KHDRBS2: variants seen among roughly 807,000 people sequenced by gnomAD.
The protein encoded by KHDRBS2 is KH RNA binding domain containing, signal transduction associated 2.
KHDRBS2 carries 26 observed loss-of-function variants against 44.3 expected under a neutral mutation model. That is an observed-to-expected ratio of 0.59 (90% CI 0.43 to 0.81). KHDRBS2 has a LOEUF of 0.81. KHDRBS2 is among the 40% of genes least tolerant of loss of function. The probability of loss-of-function intolerance (pLI) is 0.00; values close to 1 mark genes in which losing one functional copy is unlikely to be tolerated. For missense variants in KHDRBS2, 476 were observed against 433.1 expected, an observed-to-expected ratio of 1.10 and a Z score of -0.88; for synonymous variants, 194 against 151.1, an observed-to-expected ratio of 1.28 and a Z score of -2.08.
At chr6:61,687,472 T>A (rs569742833) in intron 8 of KHDRBS2, among the ~76,000 whole-genome samples, 6 of 151,790 alleles carry the variant, frequency 4.0e-5, no homozygotes, top group African/African-American at 1.4e-4. Context: ...TATTTAAATA[T>A]TTTGCATCTT....
chr6:61,552,568 C>A, the KHDRBS2 span, among the ~76,000 whole-genome samples: 6 of 152,050 alleles, frequency 3.9e-5, no homozygotes, highest in Non-Finnish European at 8.8e-5. Context: ...GGCATCTTGT[C>A]TTTTTCTGAT....
Position 61,978,057 on chromosome 6 carries a change from G to T in KHDRBS2, c.483+9C>A. 1 of 1,571,610 alleles carries T rather than the reference G, an allele frequency of 6.4e-7. No homozygotes were observed. The highest frequency in any genetic ancestry group is 8.6e-7 in the Non-Finnish European group (1 of 1,165,094). ...AGAAACATCTTTGTAAAAAATGAAA[G>T]ACACTTACAGGAACCAGGAATTTTT... On this transcript the variant is annotated intron_variant, in intron 4 of 8. Coordinates refer to ENST00000281156, the MANE Select transcript of KHDRBS2 (RefSeq NM_152688.4).
intron 6 of KHDRBS2, among the ~76,000 whole-genome samples, chr6:61,868,584 C>T (rs1401564986): frequency 6.6e-6 from 1 of 152,226 alleles, no homozygotes; most frequent in Non-Finnish European, 1.5e-5. Context: ...AAGAAGCAGT[C>T]TAGCCGCATT....
intron 3 of KHDRBS2, among the ~76,000 whole-genome samples, chr6:62,027,368 GATC>G (rs1167015086): frequency 6.6e-5 from 10 of 152,038 alleles, no homozygotes; most frequent in Admixed American, 3.9e-4. Context: ...ATATATATTT[GATC>G]TTCTTCCCTG....
chr6:61,862,652 C>A (rs753840771), intron 6 of KHDRBS2, among the ~76,000 whole-genome samples: 2 of 152,074 alleles, frequency 1.3e-5, no homozygotes, highest in Non-Finnish European at 2.9e-5. Flanking sequence ...ACCAACCTTG[C>A]GTCCTGAAGA....
intron 4 of KHDRBS2, among the ~76,000 whole-genome samples, chr6:61,919,099 C>T (rs2127357741): frequency 6.6e-6 from 1 of 152,030 alleles, no homozygotes; most frequent in South Asian, 2.1e-4. Context: ...ATACCATCCT[C>T]ATACATGTTC....
Position 62,014,684 on chromosome 6 carries a change from C to A in KHDRBS2, c.336+33194G>T, listed in dbSNP as rs150630792. 6.2e-3 allele frequency among the ~76,000 whole-genome samples: 945 copies of A among 152,182 alleles called. 2 individuals carry two copies. Among genetic ancestry groups the A allele is most frequent in the South Asian group, 0.014 (69 of 4,828 alleles). ...AAAATAAAGATTAACTGAATAATTTCTCTTAAATAATATTCAACACTTAAT... is the reference window on the plus strand; with the variant it reads ...AAAATAAAGATTAACTGAATAATTTATCTTAAATAATATTCAACACTTAAT... On this transcript the variant is annotated intron_variant, in intron 3 of 8. Transcript: ENST00000281156.
chr6:61,857,375 C>G (rs1454172667), intron 6 of KHDRBS2, among the ~76,000 whole-genome samples: 2 of 151,968 alleles, frequency 1.3e-5, no homozygotes, highest in Non-Finnish European at 2.9e-5. Flanking sequence ...ATCCACTTAA[C>G]TATAACCATG....
At chr6:61,591,605 G>T in the KHDRBS2 span, among the ~76,000 whole-genome samples, 1 of 152,044 alleles carries the variant, frequency 6.6e-6, no homozygotes, top group Admixed American at 6.5e-5. Context: ...ATCAAGCAGT[G>T]GTTTGTGTGT....
intron 4 of KHDRBS2, among the ~76,000 whole-genome samples, chr6:61,945,721 G>A (rs1813226264): frequency 6.6e-6 from 1 of 151,100 alleles, no homozygotes; most frequent in Non-Finnish European, 1.5e-5. Flanking sequence ...AAATAGAAAT[G>A]TCTTAGATAT....
intron 4 of KHDRBS2, among the ~76,000 whole-genome samples, chr6:61,914,355 CTATCTCTAAT>C (rs1806600554): frequency 6.6e-6 from 1 of 152,070 alleles, no homozygotes; most frequent in Admixed American, 6.6e-5. Flanking sequence ...TCCCTCTTCT[CTATCTCTAAT>C]TTTAGATAGG....
chr6:62,165,602 G>A (rs1818520841), intron 2 of KHDRBS2, among the ~76,000 whole-genome samples: 1 of 151,912 alleles, frequency 6.6e-6, no homozygotes, highest in East Asian at 1.9e-4. Flanking sequence ...GCTGATAGAT[G>A]TGTGCTACTA....
At chr6:61,549,460 G>A in the KHDRBS2 span, among the ~76,000 whole-genome samples, 1 of 152,088 alleles carries the variant, frequency 6.6e-6, no homozygotes, top group African/African-American at 2.4e-5. Flanking sequence ...ATGAATAACA[G>A]CAATAAGCCC....
chr6:61,805,982 G>A (rs375137444), intron 6 of KHDRBS2, among the ~76,000 whole-genome samples: 2 of 152,144 alleles, frequency 1.3e-5, no homozygotes, highest in Admixed American at 1.3e-4. Flanking sequence ...GTAATTAGTG[G>A]TAGAGGTGGG....
At chr6:61,553,477 G>A in the KHDRBS2 span, among the ~76,000 whole-genome samples, 158 of 152,008 alleles carry the variant, frequency 1.0e-3, no homozygotes, top group Admixed American at 2.2e-3. Context: ...TTCATCATTT[G>A]CATGAGTTTT....
At chr6:62,257,890 T>G (rs531144656) in intron 1 of KHDRBS2, among the ~76,000 whole-genome samples, 1 of 152,056 alleles carries the variant, frequency 6.6e-6, no homozygotes, top group Admixed American at 6.6e-5. Context: ...AAATTTTTTC[T>G]CCTTTTGCTC....
intron 1 of KHDRBS2, among the ~76,000 whole-genome samples, chr6:62,213,997 G>T (rs1424595740): frequency 3.4e-5 from 5 of 148,470 alleles, no homozygotes; most frequent in Non-Finnish European, 7.4e-5. Flanking sequence ...AAAATATTTA[G>T]CCATTTAAGT....
At chr6:61,945,101 AAAAAAAAAAAAG>A (rs779097890) in intron 4 of KHDRBS2, among the ~76,000 whole-genome samples, 1,084 of 55,812 alleles carry the variant, frequency 0.019, 21 homozygotes, top group Middle Eastern at 0.046. Context: ...AAAAAAAAAA[AAAAAAAAAAAAG>A]TATATATATA....
chr6:62,225,671 A>T (rs555344714), intron 1 of KHDRBS2, among the ~76,000 whole-genome samples: 1 of 152,102 alleles, frequency 6.6e-6, no homozygotes, highest in East Asian at 1.9e-4. Context: ...TATTTTTTGT[A>T]ATGCTTTCCT....
Sources: allele counts gnomAD v4.1 joint callset (sites outside exome capture counted in the v4.1 genomes callset), GRCh38; gene constraint gnomAD v4.1.1; transcripts MANE v1.5; gene names NCBI Gene and HGNC (gene_info 2026-07-23, HGNC 2026-07-21).